Variants in RIMBP2 observed in about 807,000 individuals in gnomAD.
The protein encoded by RIMBP2 is RIMS binding protein 2.
A neutral mutation model predicts 118.6 loss-of-function variants in RIMBP2; 48 were observed. The ratio of observed to expected loss-of-function variants is 0.40; its 90% CI spans 0.32 to 0.51. The LOEUF (loss-of-function observed/expected upper bound fraction) is 0.51, where lower values mean the gene tolerates loss of function less well. RIMBP2 is among the 20% of genes least tolerant of loss of function. RIMBP2 has a pLI of 0.41. For synonymous variants in RIMBP2, 762 were observed against 742.9 expected, an observed-to-expected ratio of 1.03 and a Z score of -0.42; for missense variants, 1,551 against 1,768.3, an observed-to-expected ratio of 0.88 and a Z score of 2.20.
At chr12:130,517,958 G>A (rs2051650540) in intron 2 of RIMBP2, 41 bp from the exon 3 acceptor site, 1 of 848,828 alleles carries the variant, frequency 1.2e-6, no homozygotes, top group Middle Eastern at 6.0e-4. Context: ...GTGCCCCCAT[G>A]TTTAGAGACT....
chr12:130,480,314 A>G (rs1344787413), intron 4 of RIMBP2, among the ~76,000 whole-genome samples: 1 of 152,172 alleles, frequency 6.6e-6, no homozygotes, highest in Non-Finnish European at 1.5e-5. Context: ...AAATGGGAAG[A>G]GTTGGCCACG....
chr12:130,627,877 G>A (rs747187390), intron 2 of RIMBP2, among the ~76,000 whole-genome samples: 25 of 152,070 alleles, frequency 1.6e-4, no homozygotes, highest in African/African-American at 1.2e-4. Context: ...TTGCTCCCAC[G>A]CTTACCTCCA....
intron 1 of RIMBP2, chr12:130,651,391 G>A (rs545873124): frequency 5.9e-5 from 9 of 152,408 alleles, no homozygotes; most frequent in African/African-American, 1.4e-4. Context: ...TCAACATCTC[G>A]GAGTTCTTCC....
chr12:130,609,078 A>G (rs2060351790), intron 2 of RIMBP2, among the ~76,000 whole-genome samples: 2 of 152,156 alleles, frequency 1.3e-5, no homozygotes, highest in African/African-American at 4.8e-5. Context: ...CTCCAGGTTC[A>G]TCCATGTTGT....
At chr12:130,694,881 G>A (rs1227819207) in intron 1 of RIMBP2, among the ~76,000 whole-genome samples, 2 of 152,202 alleles carry the variant, frequency 1.3e-5, no homozygotes, top group East Asian at 1.9e-4. Flanking sequence ...GGCCTAGCAC[G>A]TAGTACGTGA....
At chr12:130,630,661 G>A (rs947252913) in intron 1 of RIMBP2, among the ~76,000 whole-genome samples, 4 of 152,064 alleles carry the variant, frequency 2.6e-5, no homozygotes, top group Non-Finnish European at 5.9e-5. Context: ...TAAAGAGAAG[G>A]CCCTAAATAC....
At chr12:130,540,905 T>C (rs2054545591) in intron 2 of RIMBP2, among the ~76,000 whole-genome samples, 1 of 152,134 alleles carries the variant, frequency 6.6e-6, no homozygotes, top group Non-Finnish European at 1.5e-5. Flanking sequence ...ATGGGTTTCA[T>C]GTGGGGGTGA....
At chr12:130,409,372 T>C (rs1026278369) in intron 19 of RIMBP2, among the ~76,000 whole-genome samples, 1 of 123,972 alleles carries the variant, frequency 8.1e-6, no homozygotes, top group Non-Finnish European at 1.6e-5. Flanking sequence ...AGATGGACTC[T>C]CGCTCTGTCG....
chr12:130,679,169 A>G (rs1431870957), intron 1 of RIMBP2, among the ~76,000 whole-genome samples: 1 of 152,214 alleles, frequency 6.6e-6, no homozygotes, highest in African/African-American at 2.4e-5. Flanking sequence ...GTGCGTGCGG[A>G]CTTTTTTAGG....
At chr12:130,500,282 A>AC (rs764032220) in intron 4 of RIMBP2, among the ~76,000 whole-genome samples, 1 of 152,120 alleles carries the variant, frequency 6.6e-6, no homozygotes, top group Non-Finnish European at 1.5e-5. Context: ...ACACGGGGAA[A>AC]CCCCATCTCT....
intron 4 of RIMBP2, among the ~76,000 whole-genome samples, chr12:130,486,774 G>A (rs569613522): frequency 4.7e-5 from 7 of 150,114 alleles, no homozygotes; most frequent in Admixed American, 1.3e-4. Context: ...CATGTCTGCC[G>A]TTCTCTCCTG....
intron 6 of RIMBP2, among the ~76,000 whole-genome samples, chr12:130,462,854 T>C (rs2080127824): frequency 1.3e-5 from 2 of 152,222 alleles, no homozygotes; most frequent in Admixed American, 1.3e-4. Context: ...GATGGGAGAA[T>C]CTGCTGTGAG....
chr12:130,585,636 C>G (rs2058835406), intron 2 of RIMBP2, among the ~76,000 whole-genome samples: 1 of 151,290 alleles, frequency 6.6e-6, no homozygotes. Context: ...AAAAAAGAGG[C>G]CAGTTTTTAA....
chr12:130,491,531 G>C (rs373063509), intron 4 of RIMBP2, among the ~76,000 whole-genome samples: 1 of 152,204 alleles, frequency 6.6e-6, no homozygotes. Context: ...CACGCACACT[G>C]TTCGTGCCTC....
intron 4 of RIMBP2, among the ~76,000 whole-genome samples, chr12:130,486,747 C>A (rs1258488953): frequency 4.0e-5 from 6 of 151,864 alleles, no homozygotes; most frequent in Non-Finnish European, 8.8e-5. Context: ...AAAATGTGCA[C>A]CCAAACTCCC....
chr12:130,570,884 G>A lies in RIMBP2; in HGVS notation c.-216-52967C>T, dbSNP rs183147449. On this transcript the variant is annotated intron_variant, in intron 2 of 22. Coordinates refer to ENST00000690449, the MANE Select transcript of RIMBP2 (RefSeq NM_001393629.1). ...TGGGCAGGTGCTTTTCTTTAAGCAG[G>A]TGGATAAAGGAGAAATTAACTCCAC... Among the ~76,000 whole-genome samples the A allele has an allele frequency of 8.5e-5, 13 of 152,306 alleles. No homozygotes were observed. In the East Asian group the frequency reaches 2.5e-3, roughly 29 times the overall value.
rs2137255225 is a variant in RIMBP2 at position 130,446,226 on chromosome 12, G to T, written c.582-957C>A. On this transcript the variant is annotated intron_variant, in intron 9 of 22. Transcript: ENST00000690449. This position sits in a 1 kb window ranked among gnomAD's most constrained non-coding sequence, Gnocchi z 4.1. ...ATTAAAAAATGAAAATAACATTAGA[G>T]TTGGAGAAGATAGCCAGACACTGTA... Among the ~76,000 whole-genome samples the T allele has an allele frequency of 6.6e-6, 1 of 152,292 alleles. No individual in the cohort carries two copies. Among genetic ancestry groups the T allele is most frequent in the East Asian group, 1.9e-4 (1 of 5,192 alleles).
chr12:130,534,658 G>A (rs2053826540), intron 2 of RIMBP2, among the ~76,000 whole-genome samples: 1 of 152,238 alleles, frequency 6.6e-6, no homozygotes, highest in African/African-American at 2.4e-5. Flanking sequence ...AGTGGTGCCT[G>A]CAGAGGCATG....
chr12:130,402,855 C>G (rs1008700302), intron 21 of RIMBP2, among the ~76,000 whole-genome samples: 1 of 152,158 alleles, frequency 6.6e-6, no homozygotes, highest in African/African-American at 2.4e-5. Context: ...TAGGAAGGTA[C>G]AGGATTTAAG....
Sources: gnomAD v4.1 joint callset for allele counts (sites outside exome capture counted in the v4.1 genomes callset) on GRCh38, gnomAD v4.1.1 for gene constraint, Gnocchi (gnomAD v3.1) non-coding constraint, MANE v1.5 for transcripts, NCBI Gene and HGNC (gene_info 2026-07-23, HGNC 2026-07-21) for gene names.